The following TTC38 variants were observed in gnomAD, a reference collection of about 807,000 sequenced individuals.
TTC38 encodes tetratricopeptide repeat protein 38.
In TTC38, 64 loss-of-function variants were observed where a neutral mutation model predicts 64.2. The ratio of observed to expected loss-of-function variants is 1.00; its 90% CI spans 0.81 to 1.23. The LOEUF (loss-of-function observed/expected upper bound fraction) is 1.23, where lower values mean the gene tolerates loss of function less well. TTC38 is among the 50% of genes most tolerant of loss of function. The pLI, the probability that TTC38 is intolerant of heterozygous loss-of-function variation, is 0.00. For missense variants in TTC38, 573 were observed against 615.5 expected (o/e 0.93, Z 0.73); for synonymous variants, 254 against 249.3 (o/e 1.02, Z -0.18).
At chr22:46,287,222 G>C in intron 10 of TTC38, 68 bp downstream of exon 10, 1 of 1,433,140 alleles carries the variant, frequency 7.0e-7, no homozygotes. Context: ...GGGTGCTGTG[G>C]CCTAGGCCCA....
chr22:46,282,418 C>T lies in TTC38; in HGVS notation c.735+700C>T, dbSNP rs1018637339. 6.6e-6 allele frequency among the ~76,000 whole-genome samples: 1 copy of T among 152,158 alleles called. No homozygotes were observed. Among genetic ancestry groups the T allele is most frequent in the Non-Finnish European group, 1.5e-5 (1 of 68,034 alleles). ...GGCTAGCACCATGGTGGAGGTGGGC[C>T]CTCTGGACAGACGGGGCTGCATCAG... On this transcript the variant is annotated intron_variant, in intron 7 of 13. Transcript: ENST00000381031. This position sits in a 1 kb window ranked among gnomAD's most constrained non-coding sequence, Gnocchi z 4.4.
Position 46,292,726 on chromosome 22 carries a change from G to A in TTC38, c.1317-65G>A. ...GCCTGTGTTCTGCCTTGGGACCAAG[G>A]GACCACCAGGCCCCACATCCCTCTA... On this transcript the variant is annotated intron_variant, in intron 13 of 13. Transcript: ENST00000381031. The surrounding 1 kb of genome is among the most constrained non-coding windows in gnomAD (Gnocchi z 6.5). 7.0e-7 allele frequency: 1 copy of A among 1,431,948 alleles called. No individual in the cohort carries two copies. Among genetic ancestry groups the A allele is most frequent in the South Asian group, 1.1e-5 (1 of 87,092 alleles). 88.7% of individuals were successfully genotyped at this position (1,431,948 alleles called of 1,614,324 possible).
intron 8 of TTC38, 94 bp downstream of exon 8, chr22:46,284,126 G>GCATCAGGGCTCCAAC: frequency 9.5e-7 from 1 of 1,048,462 alleles, no homozygotes; most frequent in Non-Finnish European, 1.4e-6. Flanking sequence ...CACATCCGTT[G>GCATCAGGGCTCCAAC]GAGCCCTGAT....
chr22:46,286,488 C>G (rs1008114452), intron 9 of TTC38, among the ~76,000 whole-genome samples: 5 of 151,832 alleles, frequency 3.3e-5, no homozygotes, highest in Non-Finnish European at 7.4e-5. Flanking sequence ...TGGTGAAATC[C>G]CATCTCTACT....
rs763163379 is a variant in TTC38, at chr22:46,289,944, C to G, written c.1316+45C>G. 1.9e-6 allele frequency: 3 copies of G among 1,559,720 alleles called. No individual in the cohort carries two copies. In the South Asian group the frequency reaches 3.3e-5, roughly 17 times the overall value. On this transcript the variant is annotated intron_variant, in intron 13 of 13. Transcript: ENST00000381031. ...CCAGCACTCCCGACCTTCACAGGCT[C>G]TCCCTGCAGACCTCAGGAGTGCCTG...
Position 46,291,279 on chromosome 22 carries a change from G to A in TTC38, c.1316+1380G>A, listed in dbSNP as rs2077613040. ...GGAGTTGGTGCCTCTGGCAGCAGCG[G>A]TGGGGAAAGTGGCTGTGTGGACAGG... On this transcript the variant is annotated intron_variant, in intron 13 of 13. Transcript: ENST00000381031. The surrounding 1 kb of genome is among the most constrained non-coding windows in gnomAD (Gnocchi z 4.6). Among the ~76,000 whole-genome samples, 1 of 152,240 alleles carries A rather than the reference G, an allele frequency of 6.6e-6. No homozygotes were observed. The highest frequency in any genetic ancestry group is 6.5e-5 in the Admixed American group (1 of 15,278).
At position 46,282,098 on chromosome 22, in the gene TTC38, G is replaced by A. The variant is rs2077539427; in HGVS notation, c.735+380G>A. The stretch of plus-strand genomic sequence containing the variant: ...ACTGGGCTTGGGGGGACAGTGGCTA[G>A]GGAAGGCATCCTGGAGGGGGCAACC... On this transcript the variant is annotated intron_variant, in intron 7 of 13. Transcript: ENST00000381031. This position sits in a 1 kb window ranked among gnomAD's most constrained non-coding sequence, Gnocchi z 4.4. 1 of 413,580 alleles carries A rather than the reference G, an allele frequency of 2.4e-6. No homozygotes were observed. Among genetic ancestry groups the A allele is most frequent in the African/African-American group, 2.1e-5 (1 of 48,454 alleles). The allele number at this position is 413,580 out of a possible 1,614,324, so 25.6% of individuals were successfully genotyped here. A position where few individuals can be genotyped will look rare whatever the true frequency, so the allele number is the denominator to read the frequency against.
rs1429229223 is a variant in TTC38, at chr22:46,282,378, C to T, written c.735+660C>T. ...GCAGAGGCAGAAACGCCTGCAGAGGCCTCAGGGAAGGAAAGGCTAGCACCA... is the reference window on the plus strand; with the variant it reads ...GCAGAGGCAGAAACGCCTGCAGAGGTCTCAGGGAAGGAAAGGCTAGCACCA... On this transcript the variant is annotated intron_variant, in intron 7 of 13. Coordinates refer to ENST00000381031, the MANE Select transcript of TTC38 (RefSeq NM_017931.4). The surrounding 1 kb of genome is among the most constrained non-coding windows in gnomAD (Gnocchi z 4.4). Among the ~76,000 whole-genome samples the T allele has an allele frequency of 6.6e-6, 1 of 152,166 alleles. No individual in the cohort carries two copies. The highest frequency in any genetic ancestry group is 1.9e-4 in the East Asian group (1 of 5,196).
rs1601885676 is a variant in TTC38, at chr22:46,289,314, G to C, written c.1083-88G>C. On this transcript the variant is annotated intron_variant, in intron 11 of 13. Transcript: ENST00000381031. Reference sequence around the variant, plus strand: ...TGGCATGTGTCAGGCACTGGACCAGGGACACCTCGCTGAGGAAGAAATGGC... The same window carrying C: ...TGGCATGTGTCAGGCACTGGACCAGCGACACCTCGCTGAGGAAGAAATGGC... The C allele has an allele frequency of 1.5e-5, 23 of 1,502,796 alleles. No individual in the cohort carries two copies. The East Asian group carries it at 5.1e-4, about 33-fold the overall frequency. The allele number at this position is 1,502,796 out of a possible 1,614,324, so 93.1% of individuals were successfully genotyped here. A position where few individuals can be genotyped will look rare whatever the true frequency, so the allele number is the denominator to read the frequency against.
chr22:46,287,237 T>C (rs2077578333), intron 10 of TTC38, 83 bp downstream of exon 10: 12 of 1,313,286 alleles, frequency 9.1e-6, no homozygotes, highest in Middle Eastern at 1.9e-4. Context: ...GGCCCAGGGT[T>C]GGGCAAGAGC....
Position 46,275,811 on chromosome 22 carries a change from C to A in TTC38, c.539+390C>A, listed in dbSNP as rs1203676590. Among the ~76,000 whole-genome samples, 4 of 152,152 alleles carry A rather than the reference C, an allele frequency of 2.6e-5. No homozygotes were observed. The highest frequency in any genetic ancestry group is 9.7e-5 in the African/African-American group (4 of 41,408). On this transcript the variant is annotated intron_variant, in intron 5 of 13. Coordinates refer to ENST00000381031, the MANE Select transcript of TTC38 (RefSeq NM_017931.4). This position sits in a 1 kb window ranked among gnomAD's most constrained non-coding sequence, Gnocchi z 4.5. ...ATGAAGCAACTGCCCTCTGGACATA[C>A]CTGTCACTAAGAGGGAAAAGCAAGC...
rs1015187979 is a variant in TTC38 at position 46,282,500 on chromosome 22, C to T, written c.735+782C>T. ...CTCCCCTGGGACAGGGACACAGCGTCGCTCACTCAGCGTTTACTGAATACC... is the reference window on the plus strand; with the variant it reads ...CTCCCCTGGGACAGGGACACAGCGTTGCTCACTCAGCGTTTACTGAATACC... On this transcript the variant is annotated intron_variant, in intron 7 of 13. Coordinates refer to ENST00000381031, the MANE Select transcript of TTC38 (RefSeq NM_017931.4). The surrounding 1 kb of genome is among the most constrained non-coding windows in gnomAD (Gnocchi z 4.4). Among the ~76,000 whole-genome samples the T allele has an allele frequency of 6.6e-6, 1 of 152,188 alleles. No individual in the cohort carries two copies.
rs1463167652 is a variant in TTC38, at chr22:46,293,059, G to A, written c.*175G>A. ...ACGGGTTAATTTTAAATGTGATTCCGAATCTCCTTTCAGTCCTCGAGAAGG... is the reference window on the plus strand; with the variant it reads ...ACGGGTTAATTTTAAATGTGATTCCAAATCTCCTTTCAGTCCTCGAGAAGG... On this transcript the variant is annotated 3_prime_UTR_variant, in exon 14 of 14. Coordinates refer to ENST00000381031, the MANE Select transcript of TTC38 (RefSeq NM_017931.4). The surrounding 1 kb of genome is among the most constrained non-coding windows in gnomAD (Gnocchi z 6.6). 4 of 579,392 alleles carry A rather than the reference G, an allele frequency of 6.9e-6. No homozygotes were observed. Among genetic ancestry groups the A allele is most frequent in the South Asian group, 2.0e-5 (1 of 49,196 alleles). 35.9% of individuals were successfully genotyped at this position (579,392 alleles called of 1,614,324 possible).
intron 9 of TTC38, among the ~76,000 whole-genome samples, chr22:46,285,704 A>C (rs1372754248): frequency 6.6e-6 from 1 of 151,808 alleles, no homozygotes; most frequent in East Asian, 1.9e-4. Context: ...GTGATAAAAT[A>C]AAAATAACAT....
chr22:46,277,080 C>CAT (rs1172294963), intron 5 of TTC38, among the ~76,000 whole-genome samples: 1 of 149,456 alleles, frequency 6.7e-6, no homozygotes, highest in African/African-American at 2.5e-5. Flanking sequence ...CACACACACA[C>CAT]ACACATACAT....
intron 2 of TTC38, 178 bp downstream of exon 2, chr22:46,268,769 T>C (rs1261727993): frequency 1.7e-6 from 1 of 593,448 alleles, no homozygotes; most frequent in Non-Finnish European, 2.9e-6. Flanking sequence ...ACTGCAAGCT[T>C]TGCCTCCCGG....
chr22:46,268,113 C>T lies in TTC38; in HGVS notation c.33+41C>T, dbSNP rs1466369751. 1.6e-5 allele frequency: 24 copies of T among 1,526,394 alleles called. 1 individual carries two copies. Among genetic ancestry groups the T allele is most frequent in the South Asian group, 1.1e-4 (9 of 83,292 alleles). 94.6% of individuals were successfully genotyped at this position (1,526,394 alleles called of 1,614,324 possible). On this transcript the variant is annotated intron_variant, in intron 1 of 13. Coordinates refer to ENST00000381031, the MANE Select transcript of TTC38 (RefSeq NM_017931.4). ...CCCCAACCAGGTCCCCCTCGGGCCC[C>T]GGGTCCTGGGGGTGGCCCGGTGCTG...
In TTC38 at chr22:46,293,071, A is replaced by G. The variant is rs2077628063; in HGVS notation, c.*187A>G. 1 of 575,600 alleles carries G rather than the reference A, an allele frequency of 1.7e-6. No homozygotes were observed. The highest frequency in any genetic ancestry group is 3.2e-6 in the Non-Finnish European group (1 of 316,620). 35.7% of individuals were successfully genotyped at this position (575,600 alleles called of 1,614,324 possible). ...TAAATGTGATTCCGAATCTCCTTTC[A>G]GTCCTCGAGAAGGGCCAATGAGCAT... On this transcript the variant is annotated 3_prime_UTR_variant, in exon 14 of 14. Transcript: ENST00000381031. This position sits in a 1 kb window ranked among gnomAD's most constrained non-coding sequence, Gnocchi z 6.6.
Position 46,281,516 on chromosome 22 carries a change from C to T in TTC38, c.616-83C>T, listed in dbSNP as rs1292819030. The T allele has an allele frequency of 7.9e-6, 12 of 1,526,340 alleles. No homozygotes were observed. The highest frequency in any genetic ancestry group is 1.7e-5 in the Admixed American group (1 of 58,454). 94.5% of individuals were successfully genotyped at this position (1,526,340 alleles called of 1,614,324 possible). On this transcript the variant is annotated intron_variant, in intron 6 of 13. Transcript: ENST00000381031. The surrounding 1 kb of genome is among the most constrained non-coding windows in gnomAD (Gnocchi z 5.2). Reference sequence around the variant, plus strand: ...CCCCGTTCAGCCCAGGCCCCTCTTGCCCCTTAGAGACCTGCCGTCGCCTGC... The same window carrying T: ...CCCCGTTCAGCCCAGGCCCCTCTTGTCCCTTAGAGACCTGCCGTCGCCTGC...
Sources: allele counts gnomAD v4.1 joint callset (sites outside exome capture counted in the v4.1 genomes callset), GRCh38; gene constraint gnomAD v4.1.1; non-coding constraint Gnocchi (gnomAD v3.1); transcripts MANE v1.5; gene names NCBI Gene and HGNC (gene_info 2026-07-23, HGNC 2026-07-21).